CRY1: variants seen among roughly 807,000 people sequenced by gnomAD.
The protein encoded by CRY1 is cryptochrome circadian regulator 1, also known as cryptochrome-1.
CRY1 carries 45 observed loss-of-function variants against 76.0 expected under a neutral mutation model. The observed-to-expected ratio is 0.59, with a 90% CI of 0.47 to 0.76. The LOEUF is 0.76. CRY1 is among the 30% of genes least tolerant of loss of function. The pLI is 0.00. For missense variants in CRY1, 587 were observed against 716.4 expected, an observed-to-expected ratio of 0.82 and a Z score of 2.06; for synonymous variants, 248 against 244.0, an observed-to-expected ratio of 1.02 and a Z score of -0.15.
chr12:107,058,388 G>A (rs539521653), intron 1 of CRY1, among the ~76,000 whole-genome samples: 3 of 152,178 alleles, frequency 2.0e-5, no homozygotes, highest in Non-Finnish European at 4.4e-5. Flanking sequence ...CTTGGCAAGA[G>A]TAACAGAACA....
chr12:107,046,814 A>G (rs1952853517), intron 1 of CRY1, among the ~76,000 whole-genome samples: 1 of 152,218 alleles, frequency 6.6e-6, no homozygotes, highest in South Asian at 2.1e-4. Flanking sequence ...TGATAAAAGG[A>G]TCAATTCAAC....
chr12:107,003,693 A>G (rs1380364687), intron 3 of CRY1, among the ~76,000 whole-genome samples: 2 of 152,228 alleles, frequency 1.3e-5, no homozygotes, highest in Admixed American at 1.3e-4. Flanking sequence ...GACATTGTTA[A>G]TTACACAACA....
intron 1 of CRY1, among the ~76,000 whole-genome samples, chr12:107,084,716 A>C (rs1401716269): frequency 6.6e-6 from 1 of 152,142 alleles, no homozygotes; most frequent in African/African-American, 2.4e-5. Flanking sequence ...AACCATAAAA[A>C]CCCTAGAAGA....
At chr12:107,068,312 C>T (rs913187222) in intron 1 of CRY1, among the ~76,000 whole-genome samples, 1 of 151,986 alleles carries the variant, frequency 6.6e-6, no homozygotes, top group African/African-American at 2.4e-5. Context: ...ATAATTTTTT[C>T]TTTGAGACAG....
intron 1 of CRY1, among the ~76,000 whole-genome samples, chr12:107,082,558 C>T (rs1009782491): frequency 3.3e-5 from 5 of 152,144 alleles, no homozygotes; most frequent in African/African-American, 1.2e-4. Flanking sequence ...AACCACACAA[C>T]TACATGGAAA....
intron 5 of CRY1, among the ~76,000 whole-genome samples, 199 bp from the exon 6 acceptor site, chr12:107,000,281 A>G (rs1952291844): frequency 6.6e-6 from 1 of 152,202 alleles, no homozygotes; most frequent in South Asian, 2.1e-4. Context: ...GTCCTTGTGC[A>G]GCACATACTC....
At chr12:107,086,906 C>A (rs1212788380) in intron 1 of CRY1, among the ~76,000 whole-genome samples, 1 of 151,496 alleles carries the variant, frequency 6.6e-6, no homozygotes, top group African/African-American at 2.4e-5. Flanking sequence ...CCTCCAGGAC[C>A]CACAGTGGTG....
chr12:107,059,429 T>C (rs1366472345), intron 1 of CRY1, among the ~76,000 whole-genome samples: 1 of 152,074 alleles, frequency 6.6e-6, no homozygotes, highest in African/African-American at 2.4e-5. Context: ...TTTTCCGTTT[T>C]TTTAGTAGAG....
At chr12:107,036,763 C>T (rs527644710) in intron 1 of CRY1, among the ~76,000 whole-genome samples, 1 of 152,032 alleles carries the variant, frequency 6.6e-6, no homozygotes, top group Non-Finnish European at 1.5e-5. Flanking sequence ...ACTTCAGTAC[C>T]TTTGCACAGG....
At chr12:107,062,108 A>G (rs2136884715) in intron 1 of CRY1, among the ~76,000 whole-genome samples, 1 of 152,042 alleles carries the variant, frequency 6.6e-6, no homozygotes, top group South Asian at 2.1e-4. Flanking sequence ...CAACATTAAA[A>G]ATCCTATTTT....
At chr12:107,016,417 T>C (rs550807237) in intron 2 of CRY1, among the ~76,000 whole-genome samples, 1 of 152,316 alleles carries the variant, frequency 6.6e-6, no homozygotes, top group African/African-American at 2.4e-5. Flanking sequence ...AAATAAGCAA[T>C]GTAAAATTTG....
At chr12:106,997,891 G>A in intron 8 of CRY1, 24 bp downstream of exon 8, 6 of 1,608,750 alleles carry the variant, frequency 3.7e-6, no homozygotes, top group Non-Finnish European at 2.5e-6. Context: ...ATTCCAAACT[G>A]AGTAGTAATC....
intron 1 of CRY1, among the ~76,000 whole-genome samples, chr12:107,042,090 T>A (rs887452118): frequency 9.9e-5 from 15 of 151,126 alleles, no homozygotes; most frequent in Non-Finnish European, 2.1e-4. Flanking sequence ...ACCCAAAGAG[T>A]AAAAAAAATA....
chr12:107,006,976 A>G lies in CRY1; in HGVS notation c.268-1728T>C, dbSNP rs555154253. ...GTTTTTAAATGTCTGCTAAACTATT[A>G]GGAAAAAAATAGTATCTCATTAAAA... On this transcript the variant is annotated intron_variant, in intron 2 of 12. Coordinates refer to ENST00000008527, the MANE Select transcript of CRY1 (RefSeq NM_004075.5). Among the ~76,000 whole-genome samples the G allele has an allele frequency of 6.6e-5, 10 of 152,268 alleles. No individual in the cohort carries two copies. In the East Asian group the frequency reaches 1.9e-3, roughly 29 times the overall value.
intron 2 of CRY1, among the ~76,000 whole-genome samples, chr12:107,017,728 T>C (rs1039821318): frequency 6.6e-6 from 1 of 152,216 alleles, no homozygotes; most frequent in Non-Finnish European, 1.5e-5. Flanking sequence ...TCAGATTCAA[T>C]GGGGTAAGGA....
chr12:107,000,119 T>C (rs113188032), intron 5 of CRY1, 37 bp from the exon 6 acceptor site: 2 of 1,536,280 alleles, frequency 1.3e-6, no homozygotes, highest in East Asian at 2.3e-5. Context: ...TAACTAATTG[T>C]CTTTTTCATT....
At chr12:107,086,198 C>T (rs1252368637) in intron 1 of CRY1, among the ~76,000 whole-genome samples, 1 of 152,124 alleles carries the variant, frequency 6.6e-6, no homozygotes, top group Non-Finnish European at 1.5e-5. Flanking sequence ...ATGGCTGCTT[C>T]TAACAGCCTA....
At chr12:107,071,923 A>G (rs1953194377) in intron 1 of CRY1, among the ~76,000 whole-genome samples, 1 of 152,224 alleles carries the variant, frequency 6.6e-6, no homozygotes, top group African/African-American at 2.4e-5. Context: ...CAAATGAAAT[A>G]AAAAGTATGT....
chr12:107,063,429 T>C (rs774360227), intron 1 of CRY1, among the ~76,000 whole-genome samples: 3 of 152,174 alleles, frequency 2.0e-5, no homozygotes, highest in Non-Finnish European at 4.4e-5. Context: ...TCTTTTGCTT[T>C]TGTTTCCCTG....
Sources: gnomAD v4.1 joint callset for allele counts (sites outside exome capture counted in the v4.1 genomes callset) on GRCh38, gnomAD v4.1.1 for gene constraint, MANE v1.5 for transcripts, NCBI Gene and HGNC (gene_info 2026-07-23, HGNC 2026-07-21) for gene names.